The following SNX29 variants were observed in gnomAD, a reference collection of about 807,000 sequenced individuals.
SNX29 encodes sorting nexin-29.
A neutral mutation model predicts 102.1 loss-of-function variants in SNX29; 78 were observed. The ratio of observed to expected loss-of-function variants is 0.76; its 90% CI spans 0.64 to 0.92. SNX29 has a LOEUF of 0.92. Ranked by LOEUF, SNX29 falls within the 40% of genes least tolerant of loss-of-function variation. The probability of loss-of-function intolerance (pLI) is 0.00; values close to 1 mark genes in which losing one functional copy is unlikely to be tolerated. For synonymous variants in SNX29, 580 were observed against 414.5 expected (o/e 1.40, Z -4.85); for missense variants, 1,280 against 1,061.7 (o/e 1.21, Z -2.86).
intron 15 of SNX29, among the ~76,000 whole-genome samples, chr16:12,327,006 C>G (rs916292481): frequency 5.3e-5 from 8 of 152,246 alleles, no homozygotes; most frequent in Non-Finnish European, 1.2e-4. Context: ...ATGGGGTTGA[C>G]CGATGGGGCT....
intron 20 of SNX29, among the ~76,000 whole-genome samples, chr16:12,548,166 C>T (rs754006594): frequency 2.0e-5 from 3 of 152,212 alleles, no homozygotes; most frequent in Non-Finnish European, 2.9e-5. Flanking sequence ...CTTGGCCACA[C>T]ACATTTGCTC....
At chr16:12,542,269 C>T (rs1038808899) in intron 20 of SNX29, among the ~76,000 whole-genome samples, 12 of 118,418 alleles carry the variant, frequency 1.0e-4, no homozygotes, top group African/African-American at 2.7e-4. Context: ...GAAATTGAGG[C>T]ATGGAGAAAT....
intron 20 of SNX29, among the ~76,000 whole-genome samples, chr16:12,543,935 C>G (rs1001490732): frequency 6.6e-5 from 10 of 152,158 alleles, no homozygotes; most frequent in South Asian, 2.1e-4. Flanking sequence ...GGCACCCTCT[C>G]GTTCTAAGCG....
chr16:12,206,033 C>G (rs902820750), intron 14 of SNX29, among the ~76,000 whole-genome samples: 1 of 152,204 alleles, frequency 6.6e-6, no homozygotes, highest in Non-Finnish European at 1.5e-5. Context: ...TAGTGCCACC[C>G]AAATAATGTG....
chr16:12,027,634 A>G (rs1019141430), intron 4 of SNX29, 190 bp downstream of exon 4: 18 of 625,596 alleles, frequency 2.9e-5, no homozygotes, highest in Non-Finnish European at 4.3e-5. Context: ...AATTTAAATG[A>G]AGTCATCTTT....
chr16:12,573,155 T>TG lies in SNX29; in HGVS notation c.*4528dup, dbSNP rs918801180. 3.2e-4 allele frequency: 72 copies of TG among 226,418 alleles called. No homozygotes were observed. The highest frequency in any genetic ancestry group is 1.5e-3 in the African/African-American group (69 of 45,120). The allele number at this position is 226,418 out of a possible 1,614,324, so 14.0% of individuals were successfully genotyped here. ...TTTCCAAAATAAAGCTTCAGCTCCTTGGTCAATAGAAGTAAGGGTGTAGCC... is the reference window on the plus strand; with the variant it reads ...TTTCCAAAATAAAGCTTCAGCTCCTTGGGTCAATAGAAGTAAGGGTGTAGCC... On this transcript the variant is annotated 3_prime_UTR_variant, in exon 21 of 21. Coordinates refer to ENST00000566228, the MANE Select transcript of SNX29 (RefSeq NM_032167.5).
chr16:12,495,585 T>C (rs1272633118), intron 19 of SNX29, among the ~76,000 whole-genome samples: 1 of 152,254 alleles, frequency 6.6e-6, no homozygotes, highest in Non-Finnish European at 1.5e-5. Context: ...ACATAGTTAT[T>C]TGCTTAAACA....
At chr16:12,131,392 T>G (rs2054461926) in intron 13 of SNX29, among the ~76,000 whole-genome samples, 1 of 152,238 alleles carries the variant, frequency 6.6e-6, no homozygotes, top group Non-Finnish European at 1.5e-5. Context: ...TATACTAACA[T>G]TTTTCTTTAA....
intron 19 of SNX29, among the ~76,000 whole-genome samples, chr16:12,517,611 C>T (rs2089921712): frequency 6.6e-6 from 1 of 152,184 alleles, no homozygotes; most frequent in African/African-American, 2.4e-5. Flanking sequence ...GTGTATGGAG[C>T]CTCTTGGGAT....
intron 9 of SNX29, among the ~76,000 whole-genome samples, chr16:12,064,734 T>TG (rs2050944545): frequency 1.3e-5 from 2 of 152,212 alleles, no homozygotes; most frequent in Admixed American, 1.3e-4. Context: ...ATGGGAGGTG[T>TG]GGGGCCGACT....
At chr16:12,511,612 G>C (rs557405731) in intron 19 of SNX29, among the ~76,000 whole-genome samples, 1 of 152,068 alleles carries the variant, frequency 6.6e-6, no homozygotes, top group African/African-American at 2.4e-5. Flanking sequence ...TTTTGATTTA[G>C]GCACATCGTC....
At chr16:12,552,487 A>G (rs969999497) in intron 20 of SNX29, among the ~76,000 whole-genome samples, 2 of 152,222 alleles carry the variant, frequency 1.3e-5, no homozygotes, top group African/African-American at 4.8e-5. Context: ...ATTGGGCCTC[A>G]GGAATCTTGC....
At chr16:12,472,354 CTACAAAAA>C (rs2087387283) in intron 18 of SNX29, among the ~76,000 whole-genome samples, 1 of 151,972 alleles carries the variant, frequency 6.6e-6, no homozygotes. Context: ...AACCCCGTCT[CTACAAAAA>C]TACAAAAATT....
In SNX29 at chr16:12,573,090, G is replaced by C. The variant is rs1055402635; in HGVS notation, c.*4461G>C. 2 of 230,324 alleles carry C rather than the reference G, an allele frequency of 8.7e-6. No individual in the cohort carries two copies. The highest frequency in any genetic ancestry group is 1.8e-4 in the South Asian group (1 of 5,512). 14.3% of individuals were successfully genotyped at this position (230,324 alleles called of 1,614,324 possible). ...TTTATCTCATTTCTGTGCCAAGAAA[G>C]TTCATCTTTATGTTTTTCTAATACA... On this transcript the variant is annotated 3_prime_UTR_variant, in exon 21 of 21. Coordinates refer to ENST00000566228, the MANE Select transcript of SNX29 (RefSeq NM_032167.5).
At chr16:12,190,809 A>G (rs1283210872) in intron 13 of SNX29, among the ~76,000 whole-genome samples, 4 of 152,222 alleles carry the variant, frequency 2.6e-5, no homozygotes, top group African/African-American at 4.8e-5. Flanking sequence ...TGTATTGGGT[A>G]GCGGGGCAGC....
chr16:12,158,630 T>C (rs1380140155), intron 13 of SNX29, among the ~76,000 whole-genome samples: 6 of 152,214 alleles, frequency 3.9e-5, no homozygotes, highest in African/African-American at 9.6e-5. Flanking sequence ...TTCTTGAACA[T>C]TGATATGATG....
At chr16:12,368,448 G>A (rs1055699982) in intron 16 of SNX29, among the ~76,000 whole-genome samples, 3 of 152,164 alleles carry the variant, frequency 2.0e-5, no homozygotes, top group South Asian at 2.1e-4. Flanking sequence ...GGCTTACATC[G>A]CCTGTCGGTC....
intron 20 of SNX29, among the ~76,000 whole-genome samples, chr16:12,529,670 C>CCCG (rs1314175851): frequency 1.3e-5 from 2 of 152,002 alleles, no homozygotes; most frequent in African/African-American, 4.8e-5. Flanking sequence ...CTGGGTTTCC[C>CCCG]CCGCCGCCGC....
At chr16:12,274,030 T>C (rs1305987613) in intron 14 of SNX29, among the ~76,000 whole-genome samples, 1 of 152,212 alleles carries the variant, frequency 6.6e-6, no homozygotes, top group East Asian at 1.9e-4. Flanking sequence ...TATGAAGTAT[T>C]CTCTGGCTCC....
Sources: allele counts gnomAD v4.1 joint callset (sites outside exome capture counted in the v4.1 genomes callset), GRCh38; gene constraint gnomAD v4.1.1; transcripts MANE v1.5; gene names NCBI Gene and HGNC (gene_info 2026-07-23, HGNC 2026-07-21).